Variants in TLL1 observed in about 807,000 individuals in gnomAD.
The protein encoded by TLL1 is tolloid like 1.
Under a neutral mutation model 128.2 loss-of-function variants are expected in TLL1, and 49 were observed. The observed-to-expected ratio is 0.38, with a 90% confidence interval of 0.30 to 0.48. TLL1 has a LOEUF of 0.48. TLL1 is among the 20% of genes least tolerant of loss of function. The pLI, the probability that TLL1 is intolerant of heterozygous loss-of-function variation, is 0.96. For synonymous variants in TLL1, 454 were observed against 418.8 expected (o/e 1.08, Z -1.03); for missense variants, 1,123 against 1,242.0 (o/e 0.90, Z 1.44).
At chr4:166,077,771 G>A (rs959933078) in intron 17 of TLL1, 132 bp from the exon 18 acceptor site, 20 of 1,203,422 alleles carry the variant, frequency 1.7e-5, no homozygotes, top group African/African-American at 9.0e-5. Flanking sequence ...TATAATAACC[G>A]ACACGGGAGT....
intron 1 of TLL1, among the ~76,000 whole-genome samples, chr4:165,912,686 T>C (rs1019617011): frequency 2.0e-5 from 3 of 152,172 alleles, no homozygotes; most frequent in East Asian, 1.9e-4. Context: ...AGTTGTTCAA[T>C]AGAATGTGAG....
At chr4:165,998,703 A>G (rs554294019) in intron 5 of TLL1, among the ~76,000 whole-genome samples, 13 of 151,906 alleles carry the variant, frequency 8.6e-5, no homozygotes, top group South Asian at 2.1e-4. Context: ...AGGCTGAGGC[A>G]GGAGAATGGC....
intron 19 of TLL1, among the ~76,000 whole-genome samples, chr4:166,098,054 C>A (rs1230644324): frequency 6.6e-6 from 1 of 151,986 alleles, no homozygotes; most frequent in Non-Finnish European, 1.5e-5. Context: ...AGGGCTCTGG[C>A]CAGGTGTGGT....
intron 1 of TLL1, among the ~76,000 whole-genome samples, chr4:165,977,729 C>G (rs1318664955): frequency 4.6e-5 from 7 of 152,116 alleles, no homozygotes; most frequent in Non-Finnish European, 8.8e-5. Flanking sequence ...AAATTAATAT[C>G]TAGCAATACT....
At chr4:166,017,940 G>T (rs751918371) in intron 8 of TLL1, among the ~76,000 whole-genome samples, 47 of 152,106 alleles carry the variant, frequency 3.1e-4, no homozygotes, top group Admixed American at 7.2e-4. Context: ...GATGCAGTAG[G>T]TTTACCAATA....
intron 17 of TLL1, among the ~76,000 whole-genome samples, chr4:166,075,948 A>G (rs1185462174): frequency 2.0e-5 from 3 of 152,204 alleles, no homozygotes; most frequent in Non-Finnish European, 4.4e-5. Context: ...ATCATATACA[A>G]ACAGGAATTT....
intron 9 of TLL1, among the ~76,000 whole-genome samples, chr4:166,031,591 C>G (rs1738773919): frequency 6.6e-6 from 1 of 152,092 alleles, no homozygotes; most frequent in East Asian, 1.9e-4. Flanking sequence ...TGGTCTTGAA[C>G]TTTTGAGCTC....
chr4:165,920,838 G>A (rs951085963), intron 1 of TLL1, among the ~76,000 whole-genome samples: 2 of 152,158 alleles, frequency 1.3e-5, no homozygotes, highest in African/African-American at 4.8e-5. Flanking sequence ...ATTTGAATAG[G>A]AGGGAAAGCA....
At chr4:165,916,763 G>C (rs1238526482) in intron 1 of TLL1, among the ~76,000 whole-genome samples, 1 of 152,076 alleles carries the variant, frequency 6.6e-6, no homozygotes, top group East Asian at 1.9e-4. Context: ...ATAAGATCTA[G>C]TACCAAAAAA....
In TLL1 at chr4:165,974,870, C is replaced by T. The variant is rs145858901; in HGVS notation, c.170-14511C>T. Among the ~76,000 whole-genome samples the T allele has an allele frequency of 4.3e-3, 655 of 152,238 alleles. 6 individuals are homozygous for T. The highest frequency in any genetic ancestry group is 0.014 in the African/African-American group (596 of 41,540). On this transcript the variant is annotated intron_variant, in intron 1 of 20. Coordinates refer to ENST00000061240, the MANE Select transcript of TLL1 (RefSeq NM_012464.5). ...TACTGGCACCAACTGTCACAGGTTGCGTTGCTTAGGAGGCAGACCCTGTGA... is the reference window on the plus strand; with the variant it reads ...TACTGGCACCAACTGTCACAGGTTGTGTTGCTTAGGAGGCAGACCCTGTGA...
At chr4:165,909,218 A>C (rs1246041349) in intron 1 of TLL1, among the ~76,000 whole-genome samples, 2 of 152,152 alleles carry the variant, frequency 1.3e-5, no homozygotes, top group African/African-American at 4.8e-5. Context: ...GAACGGCTCC[A>C]AAGTTTAAAA....
In TLL1 at chr4:166,065,870, G is replaced by A. The variant is rs7680090; in HGVS notation, c.2188+7G>A. The A allele has an allele frequency of 2.8e-3, 4,461 of 1,598,454 alleles. 100 individuals are homozygous for A. In the African/African-American group the frequency reaches 0.054, roughly 19 times the overall value. On this transcript the variant is annotated splice_region_variant and intron_variant, in intron 16 of 20. Transcript: ENST00000061240. ...AAAGCACATTTTTTCTCAGGTATAA[G>A]CATTCACATGTTGTATGTGTATATT...
At chr4:165,895,502 T>C (rs972974811) in intron 1 of TLL1, among the ~76,000 whole-genome samples, 10 of 151,770 alleles carry the variant, frequency 6.6e-5, no homozygotes, top group Admixed American at 1.3e-4. Flanking sequence ...AAAGAAAACC[T>C]AAGTAAATGG....
chr4:165,953,527 G>A (rs575946907), intron 1 of TLL1, among the ~76,000 whole-genome samples: 3 of 147,688 alleles, frequency 2.0e-5, no homozygotes, highest in African/African-American at 5.0e-5. Context: ...CTTTCCATTT[G>A]CAGAGATGTT....
intron 1 of TLL1, among the ~76,000 whole-genome samples, chr4:165,880,156 A>C (rs1730913071): frequency 6.6e-6 from 1 of 152,154 alleles, no homozygotes; most frequent in Non-Finnish European, 1.5e-5. Flanking sequence ...TCCCTTGCTT[A>C]TTTATTTCAT....
chr4:165,917,577 A>G (rs930604029), intron 1 of TLL1, among the ~76,000 whole-genome samples: 1 of 152,068 alleles, frequency 6.6e-6, no homozygotes, highest in African/African-American at 2.4e-5. Flanking sequence ...ATCTATTTAT[A>G]TATTATCTTA....
intron 1 of TLL1, among the ~76,000 whole-genome samples, chr4:165,950,220 A>G (rs1734446243): frequency 6.6e-6 from 1 of 152,140 alleles, no homozygotes; most frequent in Non-Finnish European, 1.5e-5. Flanking sequence ...ACTCAGAACT[A>G]TTTATATAGG....
chr4:165,964,596 G>C (rs1361822993), intron 1 of TLL1, among the ~76,000 whole-genome samples: 1 of 152,050 alleles, frequency 6.6e-6, no homozygotes, highest in African/African-American at 2.4e-5. Flanking sequence ...TACCTCCGAG[G>C]GTTGTTGTAT....
At position 165,936,681 on chromosome 4, in the gene TLL1, A is replaced by G. The variant is rs10032515; in HGVS notation, c.170-52700A>G. 4.4e-3 allele frequency among the ~76,000 whole-genome samples: 667 copies of G among 151,882 alleles called. 7 individuals carry two copies. The highest frequency in any genetic ancestry group is 0.015 in the African/African-American group (610 of 41,486). On this transcript the variant is annotated intron_variant, in intron 1 of 20. Transcript: ENST00000061240. ...CCGGTCATGGTGGTGTAATCCCAGCACTTTGAAAGGCTGAGGTGGGTGGAT... is the reference window on the plus strand; with the variant it reads ...CCGGTCATGGTGGTGTAATCCCAGCGCTTTGAAAGGCTGAGGTGGGTGGAT...
Sources: allele counts gnomAD v4.1 joint callset (sites outside exome capture counted in the v4.1 genomes callset), GRCh38; gene constraint gnomAD v4.1.1; transcripts MANE v1.5; gene names NCBI Gene and HGNC (gene_info 2026-07-23, HGNC 2026-07-21).